TTC34: variants seen among roughly 807,000 people sequenced by gnomAD.
TTC34 encodes the protein tetratricopeptide repeat domain 34, also known as tetratricopeptide repeat protein 34.
TTC34 carries 44 observed loss-of-function variants against 40.7 expected under a neutral mutation model. The ratio of observed to expected loss-of-function variants is 1.08; its 90% CI spans 0.85 to 1.39. TTC34 has a LOEUF of 1.39. TTC34 is among the 40% of genes most tolerant of loss of function. TTC34 has a pLI of 0.00. For synonymous variants in TTC34, 422 were observed against 398.6 expected (o/e 1.06, Z -0.70); for missense variants, 884 against 838.0 (o/e 1.05, Z -0.68).
chr1:2,750,823 G>C (rs1641295190), intron 6 of TTC34, among the ~76,000 whole-genome samples: 1 of 132,462 alleles, frequency 7.5e-6, no homozygotes, highest in African/African-American at 3.1e-5. Context: ...GCGAGCATCT[G>C]ACAGCCTGGA....
chr1:2,649,359 C>A (rs934722688), intron 6 of TTC34, among the ~76,000 whole-genome samples: 1 of 152,032 alleles, frequency 6.6e-6, no homozygotes, highest in Admixed American at 6.5e-5. Flanking sequence ...ACGGCACCCC[C>A]CAGTTAGGTG....
chr1:2,682,155 T>G (rs1365113102), intron 6 of TTC34, among the ~76,000 whole-genome samples: 1 of 134,200 alleles, frequency 7.5e-6, no homozygotes, highest in Non-Finnish European at 1.6e-5. Flanking sequence ...CACCCCCAGG[T>G]GAGCATCCGA....
chr1:2,683,551 A>ACGCCCAGGGGAGCATCCG (rs1640178631), intron 6 of TTC34, among the ~76,000 whole-genome samples: 1 of 141,152 alleles, frequency 7.1e-6, no homozygotes, highest in Non-Finnish European at 1.5e-5. Context: ...CAGCACCCAC[A>ACGCCCAGGGGAGCATCCG]ACCACAGGTG....
At chr1:2,687,436 G>T (rs201391339) in intron 6 of TTC34, among the ~76,000 whole-genome samples, 6 of 143,718 alleles carry the variant, frequency 4.2e-5, no homozygotes, top group East Asian at 2.1e-4. Flanking sequence ...GTCTGGAGCA[G>T]CACCCACAAC....
At chr1:2,767,768 C>T (rs1461725885) in intron 6 of TTC34, among the ~76,000 whole-genome samples, 1 of 148,746 alleles carries the variant, frequency 6.7e-6, no homozygotes, top group Non-Finnish European at 1.5e-5. Context: ...ACCCTGCACC[C>T]CCAGTTGAGC....
intron 6 of TTC34, among the ~76,000 whole-genome samples, chr1:2,684,437 C>A (rs1640224842): frequency 2.1e-5 from 3 of 143,170 alleles, no homozygotes; most frequent in African/African-American, 5.1e-5. Context: ...CACCCTGCAC[C>A]CCCAGGTGAG....
exon 8 of TTC34, chr1:2,644,409 C>G (rs549338347): frequency 3.3e-6 from 5 of 1,536,012 alleles, no homozygotes; most frequent in South Asian, 2.4e-5. Context: ...CAGCCGGGCC[C>G]GGGCTGCCTC....
chr1:2,677,007 C>A (rs1187675158), intron 6 of TTC34, among the ~76,000 whole-genome samples: 32 of 2,042 alleles, frequency 0.016, no homozygotes, highest in African/African-American at 0.02. Flanking sequence ...CAGCACCCAC[C>A]ACTCCCAGGC....
intron 6 of TTC34, among the ~76,000 whole-genome samples, chr1:2,690,213 C>T (rs1429638367): frequency 4.1e-5 from 6 of 145,454 alleles, no homozygotes; most frequent in African/African-American, 1.5e-4. Flanking sequence ...TGGAGCAGCA[C>T]CCACACCCCA....
intron 6 of TTC34, among the ~76,000 whole-genome samples, chr1:2,772,956 C>T (rs1290451999): frequency 7.1e-5 from 9 of 127,458 alleles, no homozygotes; most frequent in African/African-American, 2.6e-4. Flanking sequence ...GAGCATCTGA[C>T]AGCCTGGAGC....
chr1:2,648,349 G>A (rs1454278694), intron 6 of TTC34, among the ~76,000 whole-genome samples: 2 of 152,172 alleles, frequency 1.3e-5, no homozygotes, highest in Admixed American at 6.5e-5. Flanking sequence ...GCTTTATCTT[G>A]TACTTTGCTA....
At chr1:2,660,592 C>A (rs1639512404) in intron 6 of TTC34, among the ~76,000 whole-genome samples, 1 of 36,762 alleles carries the variant, frequency 2.7e-5, no homozygotes, top group Admixed American at 3.7e-4. Context: ...CACCCACACA[C>A]CCAGGTGAGC....
chr1:2,764,100 A>C (rs1641717907), intron 6 of TTC34, among the ~76,000 whole-genome samples: 1 of 136,084 alleles, frequency 7.3e-6, no homozygotes, highest in Non-Finnish European at 1.6e-5. Context: ...GAATTCTCCA[A>C]CCACAGGTGA....
intron 6 of TTC34, among the ~76,000 whole-genome samples, chr1:2,758,147 C>CT (rs1641568046): frequency 2.8e-5 from 3 of 108,098 alleles, no homozygotes; most frequent in African/African-American, 1.3e-4. Context: ...TGGAGCAGCA[C>CT]CCACATCCCC....
intron 6 of TTC34, among the ~76,000 whole-genome samples, chr1:2,653,426 CA>C (rs1639219837): frequency 6.7e-6 from 1 of 150,262 alleles, no homozygotes; most frequent in Admixed American, 6.6e-5. Context: ...GAGCATCTGA[CA>C]GCCTGGAACA....
chr1:2,794,678 A>G (rs1643696236), intron 2 of TTC34, among the ~76,000 whole-genome samples: 1 of 152,184 alleles, frequency 6.6e-6, no homozygotes, highest in South Asian at 2.1e-4. Context: ...CTCGTAATTG[A>G]TTTTAAATGG....
intron 6 of TTC34, among the ~76,000 whole-genome samples, chr1:2,684,993 C>T (rs1262918647): frequency 6.9e-6 from 1 of 145,260 alleles, no homozygotes; most frequent in African/African-American, 2.7e-5. Context: ...GAACAGCACC[C>T]ATACCCCCAG....
In TTC34 at chr1:2,751,939, A is replaced by G. The variant is rs1641334134; in HGVS notation, c.2226+31670T>C. ...GGAGCAGCACGCATAACCACAGGTG[A>G]ACATCGGAGAGTCTGGAGCAGCGCC... On this transcript the variant is annotated intron_variant, in intron 6 of 8. Transcript: ENST00000401095. Among the ~76,000 whole-genome samples, 2 of 113,180 alleles carry G rather than the reference A, an allele frequency of 1.8e-5. 1 individual carries two copies. Among genetic ancestry groups the G allele is most frequent in the Non-Finnish European group, 3.5e-5 (2 of 57,752 alleles). 74.3% of individuals were successfully genotyped at this position (113,180 alleles called of 152,430 possible). A position where few individuals can be genotyped will look rare whatever the true frequency, so the allele number is the denominator to read the frequency against.
At chr1:2,750,668 C>G (rs1641288026) in intron 6 of TTC34, among the ~76,000 whole-genome samples, 7 of 139,964 alleles carry the variant, frequency 5.0e-5, no homozygotes, top group East Asian at 2.2e-4. Flanking sequence ...ATCTGACAGC[C>G]TGGAACAGCA....
Sources: gnomAD v4.1 joint callset for allele counts (sites outside exome capture counted in the v4.1 genomes callset) on GRCh38, gnomAD v4.1.1 for gene constraint, MANE v1.5 for transcripts, NCBI Gene and HGNC (gene_info 2026-07-23, HGNC 2026-07-21) for gene names.